Variants in KCNH7 observed in about 807,000 individuals in gnomAD.
The protein encoded by KCNH7 is potassium voltage-gated channel subfamily H member 7.
KCNH7 carries 49 observed loss-of-function variants against 120.8 expected under a neutral mutation model. The observed-to-expected ratio is 0.41, with a 90% CI of 0.32 to 0.51. KCNH7 has a LOEUF of 0.51. KCNH7 is among the 20% of genes least tolerant of loss of function. The probability of loss-of-function intolerance (pLI) is 0.38; values close to 1 mark genes in which losing one functional copy is unlikely to be tolerated. For missense variants in KCNH7, 1,097 were observed against 1,446.6 expected (o/e 0.76, Z 3.92); for synonymous variants, 547 against 516.1 (o/e 1.06, Z -0.81).
intron 13 of KCNH7, 66 bp from the exon 14 acceptor site, chr2:162,380,087 T>C (rs1287691179): frequency 1.1e-5 from 17 of 1,543,790 alleles, no homozygotes; most frequent in Non-Finnish European, 1.5e-5. Flanking sequence ...AATTCATAGA[T>C]ATCCACAAGA....
At chr2:162,601,839 T>G (rs370335005) in intron 2 of KCNH7, among the ~76,000 whole-genome samples, 12 of 152,102 alleles carry the variant, frequency 7.9e-5, no homozygotes, top group African/African-American at 2.9e-4. Flanking sequence ...GGATGAACGG[T>G]TTGTAGCATT....
intron 3 of KCNH7, among the ~76,000 whole-genome samples, chr2:162,528,667 T>C (rs1201534898): frequency 1.3e-5 from 2 of 151,980 alleles, no homozygotes; most frequent in African/African-American, 4.8e-5. Context: ...TGGAGTCTTA[T>C]ATTTTAGGCA....
At chr2:162,524,016 T>C (rs1558993806) in intron 3 of KCNH7, among the ~76,000 whole-genome samples, 1 of 151,816 alleles carries the variant, frequency 6.6e-6, no homozygotes. Context: ...AAGTAAGGTT[T>C]GTTGTAAAGG....
rs534270194 is a variant in KCNH7 at position 162,807,271 on chromosome 2, A to C, written c.307+29266T>G. On this transcript the variant is annotated intron_variant, in intron 2 of 15. Transcript: ENST00000332142. ...ACTAAAAATACAAAAAAAAAAAAAA[A>C]AAAAAAAAAAAACAAATTAGCCAGG... is the stretch of plus-strand genomic sequence containing the variant. Among the ~76,000 whole-genome samples the C allele has an allele frequency of 1.6e-4, 23 of 139,528 alleles. No individual in the cohort carries two copies. In the South Asian group the frequency reaches 2.2e-3, roughly 13 times the overall value. 91.5% of individuals were successfully genotyped at this position (139,528 alleles called of 152,430 possible). A position where few individuals can be genotyped will look rare whatever the true frequency, so the allele number is the denominator to read the frequency against.
intron 6 of KCNH7, among the ~76,000 whole-genome samples, chr2:162,469,557 T>C (rs1377364530): frequency 2.6e-5 from 4 of 152,330 alleles, no homozygotes; most frequent in South Asian, 2.1e-4. Context: ...GGAAATGATA[T>C]GCTTTTTAGA....
intron 9 of KCNH7, among the ~76,000 whole-genome samples, chr2:162,402,832 C>T (rs1449823933): frequency 6.6e-6 from 1 of 151,428 alleles, no homozygotes; most frequent in Non-Finnish European, 1.5e-5. Flanking sequence ...TGCACATACA[C>T]ATACATGTGT....
chr2:162,601,948 A>G (rs1694572878), intron 2 of KCNH7, among the ~76,000 whole-genome samples: 1 of 152,168 alleles, frequency 6.6e-6, no homozygotes, highest in African/African-American at 2.4e-5. Context: ...ACAAAATGTT[A>G]TAAACCAGAC....
intron 2 of KCNH7, among the ~76,000 whole-genome samples, chr2:162,612,492 G>A (rs2105974060): frequency 6.6e-6 from 1 of 152,140 alleles, no homozygotes; most frequent in Admixed American, 6.5e-5. Context: ...GAACTCTCTA[G>A]GTGGTCTAGG....
chr2:162,492,676 T>A (rs1330951770), intron 6 of KCNH7, among the ~76,000 whole-genome samples: 1 of 152,124 alleles, frequency 6.6e-6, no homozygotes, highest in Non-Finnish European at 1.5e-5. Flanking sequence ...TGAGGCTTAT[T>A]GGCTTCACCT....
intron 7 of KCNH7, among the ~76,000 whole-genome samples, chr2:162,441,654 T>C (rs940702652): frequency 2.6e-5 from 4 of 152,166 alleles, no homozygotes; most frequent in Admixed American, 2.6e-4. Flanking sequence ...AGATTTGCCA[T>C]AGATGAGCTA....
rs77950905 is a variant in KCNH7, at chr2:162,475,737, C to T, written c.1128+28706G>A. On this transcript the variant is annotated intron_variant, in intron 6 of 15. Transcript: ENST00000332142. Reference sequence around the variant, plus strand: ...ATTTAACATGGAGTCCTTGAAGGCCCCCACCCACCCACCAGCAGTGTGTAC... The same window carrying T: ...ATTTAACATGGAGTCCTTGAAGGCCTCCACCCACCCACCAGCAGTGTGTAC... Among the ~76,000 whole-genome samples the T allele has an allele frequency of 5.1e-4, 78 of 152,154 alleles. No homozygotes were observed. In the East Asian group the frequency reaches 0.015, roughly 29 times the overall value.
chr2:162,400,072 C>T, intron 10 of KCNH7, 117 bp downstream of exon 10: 2 of 1,104,232 alleles, frequency 1.8e-6, no homozygotes, highest in Non-Finnish European at 1.3e-6. Context: ...TCAAATTACC[C>T]ACCATCTTAA....
At chr2:162,600,326 T>C (rs1694509109) in intron 2 of KCNH7, among the ~76,000 whole-genome samples, 2 of 152,066 alleles carry the variant, frequency 1.3e-5, no homozygotes, top group Admixed American at 6.6e-5. Flanking sequence ...AGGAAGGTGA[T>C]CACCAATAGG....
intron 2 of KCNH7, among the ~76,000 whole-genome samples, chr2:162,682,159 A>G (rs1310875474): frequency 6.6e-6 from 1 of 151,708 alleles, no homozygotes; most frequent in Non-Finnish European, 1.5e-5. Flanking sequence ...GCCAGAATGG[A>G]AGAGCCAGAC....
chr2:162,737,393 A>T (rs1574324180), intron 2 of KCNH7, among the ~76,000 whole-genome samples: 1 of 152,152 alleles, frequency 6.6e-6, no homozygotes, highest in East Asian at 1.9e-4. Context: ...GACAGGAGAC[A>T]TGGAGACCAA....
chr2:162,380,045 G>A (rs2105402725), intron 13 of KCNH7, 24 bp from the exon 14 acceptor site: 1 of 1,612,560 alleles, frequency 6.2e-7, no homozygotes, highest in Non-Finnish European at 8.5e-7. Flanking sequence ...CAAGATGGAT[G>A]TCAACACTCT....
At chr2:162,649,014 TC>T (rs1684477790) in intron 2 of KCNH7, among the ~76,000 whole-genome samples, 1 of 152,232 alleles carries the variant, frequency 6.6e-6, no homozygotes. Flanking sequence ...CACATGTCAT[TC>T]TTGACAATGA....
At chr2:162,489,915 C>T (rs1004589296) in intron 6 of KCNH7, among the ~76,000 whole-genome samples, 8 of 152,240 alleles carry the variant, frequency 5.3e-5, no homozygotes, top group Admixed American at 2.0e-4. Context: ...TCCTGCATTA[C>T]ATCCCAAATT....
At chr2:162,574,411 G>A (rs533977444) in intron 2 of KCNH7, among the ~76,000 whole-genome samples, 1 of 151,388 alleles carries the variant, frequency 6.6e-6, no homozygotes, top group South Asian at 2.1e-4. Flanking sequence ...AAAAAAAAAA[G>A]AGAAGAACAA....
Sources: gnomAD v4.1 joint callset for allele counts (sites outside exome capture counted in the v4.1 genomes callset) on GRCh38, gnomAD v4.1.1 for gene constraint, MANE v1.5 for transcripts, NCBI Gene and HGNC (gene_info 2026-07-23, HGNC 2026-07-21) for gene names.